FKBP6: variants seen among roughly 807,000 people sequenced by gnomAD.
FKBP6 encodes inactive peptidyl-prolyl cis-trans isomerase FKBP6.
Under a neutral mutation model 41.7 loss-of-function variants are expected in FKBP6, and 29 were observed. The observed-to-expected ratio is 0.70, with a 90% CI of 0.52 to 0.95. The LOEUF (loss-of-function observed/expected upper bound fraction) is 0.95, where lower values mean the gene tolerates loss of function less well. Ranked by LOEUF, FKBP6 falls within the 40% of genes least tolerant of loss-of-function variation. FKBP6 has a pLI of 0.00. For synonymous variants in FKBP6, 130 were observed against 165.1 expected (o/e 0.79, Z 1.63); for missense variants, 338 against 408.7 (o/e 0.83, Z 1.49).
Position 73,329,300 on chromosome 7 carries a change from A to G in FKBP6, c.176-60A>G. On this transcript the variant is annotated intron_variant, in intron 2 of 8. Transcript: ENST00000252037. ...TTTCTGTGTGATCATGAGAGACTCG[A>G]TATTATGGTGGCGTGGGTGTTTTTG... is the stretch of plus-strand genomic sequence containing the variant. The G allele has an allele frequency of 6.5e-6, 6 of 928,520 alleles. No individual in the cohort carries two copies. The South Asian group carries it at 7.8e-5, about 12-fold the overall frequency. The allele number at this position is 928,520 out of a possible 1,614,324, so 57.5% of individuals were successfully genotyped here. A position where few individuals can be genotyped will look rare whatever the true frequency, so the allele number is the denominator to read the frequency against.
At chr7:73,347,467 A>G (rs1257632555) in intron 8 of FKBP6, among the ~76,000 whole-genome samples, 3 of 152,174 alleles carry the variant, frequency 2.0e-5, no homozygotes, top group African/African-American at 7.2e-5. Flanking sequence ...GCTCAATACT[A>G]TGTTTCTATT....
chr7:73,351,734 T>C (rs1805496257), intron 8 of FKBP6, among the ~76,000 whole-genome samples: 1 of 152,212 alleles, frequency 6.6e-6, no homozygotes, highest in Non-Finnish European at 1.5e-5. Flanking sequence ...AGATTTACTG[T>C]TGTGGATTCT....
At chr7:73,352,028 G>A (rs1176493200) in intron 8 of FKBP6, among the ~76,000 whole-genome samples, 1 of 152,182 alleles carries the variant, frequency 6.6e-6, no homozygotes, top group Non-Finnish European at 1.5e-5. Flanking sequence ...CTAGAGTGCA[G>A]TGGTGCAGTT....
intron 5 of FKBP6, among the ~76,000 whole-genome samples, chr7:73,335,499 T>C (rs1464828193): frequency 6.6e-6 from 1 of 152,294 alleles, no homozygotes; most frequent in East Asian, 1.9e-4. Flanking sequence ...GCGTTACCAG[T>C]ATACCACCTT....
At chr7:73,330,486 C>T (rs1240432164) in intron 4 of FKBP6, 134 bp downstream of exon 4, 5 of 715,710 alleles carry the variant, frequency 7.0e-6, no homozygotes, top group African/African-American at 3.5e-5. Context: ...TGTGCGGTGG[C>T]GGCGGAGTTC....
chr7:73,333,718 G>A (rs568511871), intron 5 of FKBP6, among the ~76,000 whole-genome samples: 13 of 152,354 alleles, frequency 8.5e-5, no homozygotes, highest in Non-Finnish European at 1.6e-4. Flanking sequence ...AACAGAGTAT[G>A]TTGATGTATG....
chr7:73,355,924 A>G (rs1468970938), intron 8 of FKBP6, among the ~76,000 whole-genome samples: 1 of 151,646 alleles, frequency 6.6e-6, no homozygotes, highest in East Asian at 1.9e-4. Flanking sequence ...AAATTAGCTG[A>G]GTGTGGTAGC....
At chr7:73,329,484 T>C (rs1804762543) in intron 3 of FKBP6, 35 bp downstream of exon 3, 8 of 1,278,264 alleles carry the variant, frequency 6.3e-6, no homozygotes, top group Non-Finnish European at 9.2e-6. Context: ...AAGAAGGAAT[T>C]GTTTAGGGGC....
intron 8 of FKBP6, among the ~76,000 whole-genome samples, chr7:73,353,470 A>G (rs1805546016): frequency 6.6e-6 from 1 of 152,142 alleles, no homozygotes; most frequent in South Asian, 2.1e-4. Flanking sequence ...CCCAGATGAG[A>G]TCATCCTGAC....
intron 8 of FKBP6, among the ~76,000 whole-genome samples, chr7:73,345,864 C>T (rs1805318400): frequency 1.3e-5 from 2 of 152,140 alleles, no homozygotes; most frequent in South Asian, 2.1e-4. Flanking sequence ...GGCCACTCCA[C>T]TTTGTTCCAC....
chr7:73,345,070 G>A (rs782730410), intron 8 of FKBP6, among the ~76,000 whole-genome samples: 1 of 152,096 alleles, frequency 6.6e-6, no homozygotes, highest in Admixed American at 6.5e-5. Context: ...CCAGGTGCAC[G>A]ATTGGTGCTC....
rs189332805 is a variant in FKBP6, at chr7:73,340,543, G to A, written c.589-95G>A. On this transcript the variant is annotated intron_variant, in intron 5 of 8. Transcript: ENST00000252037. The stretch of plus-strand genomic sequence containing the variant: ...TTGTGTCTTGCAACCTGTAACAGCC[G>A]ATTTTTAGCTCTGATAGTTTTTGCG... 88 of 1,020,320 alleles carry A rather than the reference G, an allele frequency of 8.6e-5. No homozygotes were observed. In the South Asian group the frequency reaches 9.9e-4, roughly 11 times the overall value. The allele number at this position is 1,020,320 out of a possible 1,614,324, so 63.2% of individuals were successfully genotyped here.
chr7:73,340,904 G>A, intron 6 of FKBP6, 72 bp downstream of exon 6: 2 of 829,806 alleles, frequency 2.4e-6, no homozygotes, highest in East Asian at 2.6e-5. Context: ...CTCAGCTACT[G>A]CAAAAATGCT....
chr7:73,331,955 C>T (rs1454328497), intron 5 of FKBP6, among the ~76,000 whole-genome samples, 179 bp downstream of exon 5: 1 of 152,114 alleles, frequency 6.6e-6, no homozygotes, highest in African/African-American at 2.4e-5. Flanking sequence ...GCTCCGCCTC[C>T]TGGGTTCACG....
At chr7:73,342,103 T>C (rs1051410025) in intron 7 of FKBP6, among the ~76,000 whole-genome samples, 1 of 152,070 alleles carries the variant, frequency 6.6e-6, no homozygotes, top group African/African-American at 2.4e-5. Flanking sequence ...GTCTGACTCA[T>C]ACCCATGGAT....
intron 4 of FKBP6, among the ~76,000 whole-genome samples, chr7:73,330,989 T>A (rs1804823433): frequency 6.6e-6 from 1 of 152,216 alleles, no homozygotes; most frequent in South Asian, 2.1e-4. Flanking sequence ...TGCCAGGGTT[T>A]ATATCTTCAC....
At chr7:73,339,785 G>A (rs1013144257) in intron 5 of FKBP6, among the ~76,000 whole-genome samples, 7 of 151,868 alleles carry the variant, frequency 4.6e-5, no homozygotes, top group Non-Finnish European at 1.0e-4. Flanking sequence ...AGCTGATTTC[G>A]TATTTTTAGT....
chr7:73,349,546 C>CAAAAAAAA (rs1175280907), intron 8 of FKBP6, among the ~76,000 whole-genome samples: 255 of 47,122 alleles, frequency 5.4e-3, no homozygotes, highest in Middle Eastern at 0.012. Flanking sequence ...TACTAAAATA[C>CAAAAAAAA]AAAAAAAAAA....
At position 73,328,299 on chromosome 7, in the gene FKBP6, T is replaced by A. The variant is rs1804697409; in HGVS notation, c.-130T>A. On this transcript the variant is annotated 5_prime_UTR_variant, in exon 1 of 9. The change abolishes an upstream ATG in the 5' untranslated region. Coordinates refer to ENST00000252037, the MANE Select transcript of FKBP6 (RefSeq NM_003602.5). ...TGAGTGCCTCCTCGTGGCCCCAGAATGGAATGCCGCCGTCGGTAGGGGTCT... is the reference window on the plus strand; with the variant it reads ...TGAGTGCCTCCTCGTGGCCCCAGAAAGGAATGCCGCCGTCGGTAGGGGTCT... The A allele has an allele frequency of 1.3e-6, 2 of 1,549,020 alleles. No individual in the cohort carries two copies.
Sources: gnomAD v4.1 joint callset for allele counts (sites outside exome capture counted in the v4.1 genomes callset) on GRCh38, gnomAD v4.1.1 for gene constraint, MANE v1.5 for transcripts, NCBI Gene and HGNC (gene_info 2026-07-23, HGNC 2026-07-21) for gene names.